The following ZNF804A variants were observed in gnomAD, a reference collection of about 807,000 sequenced individuals.
ZNF804A encodes zinc finger protein 804A.
Under a neutral mutation model 16.5 loss-of-function variants are expected in ZNF804A, and 2 were observed. That is an observed-to-expected ratio of 0.12 (90% CI 0.05 to 0.38). The LOEUF is 0.38. ZNF804A is among the 10% of genes least tolerant of loss of function. ZNF804A has a pLI of 0.99. For missense variants in ZNF804A, 1,473 were observed against 1,390.7 expected (o/e 1.06, Z -0.94); for synonymous variants, 534 against 489.6 (o/e 1.09, Z -1.20).
chr2:184,796,876 T>G (rs1694636860), intron 1 of ZNF804A, among the ~76,000 whole-genome samples: 1 of 152,180 alleles, frequency 6.6e-6, no homozygotes, highest in South Asian at 2.1e-4. Flanking sequence ...CTTGATTTTG[T>G]TTTTGACCCA....
At chr2:184,675,974 T>TTCAGTAAC (rs1347389431) in intron 1 of ZNF804A, among the ~76,000 whole-genome samples, 1 of 151,726 alleles carries the variant, frequency 6.6e-6, no homozygotes, top group Non-Finnish European at 1.5e-5. Flanking sequence ...TTAAAAAAAA[T>TTCAGTAAC]TCAGTAACTC....
At chr2:184,685,114 C>T (rs1471941458) in intron 1 of ZNF804A, among the ~76,000 whole-genome samples, 2 of 152,060 alleles carry the variant, frequency 1.3e-5, no homozygotes, top group African/African-American at 4.8e-5. Flanking sequence ...GGGGTCTAGC[C>T]ACTGCACACA....
chr2:184,787,695 GT>G (rs1478521593), intron 1 of ZNF804A, among the ~76,000 whole-genome samples: 1 of 151,490 alleles, frequency 6.6e-6, no homozygotes, highest in Non-Finnish European at 1.5e-5. Flanking sequence ...CAGCTTTTAA[GT>G]TTTTTGGTGC....
At chr2:184,607,019 C>T (rs1691157716) in intron 1 of ZNF804A, among the ~76,000 whole-genome samples, 1 of 152,134 alleles carries the variant, frequency 6.6e-6, no homozygotes, top group Admixed American at 6.5e-5. Flanking sequence ...ATGTTGATAA[C>T]TATATAGGTT....
rs540626372 is a variant in ZNF804A, at chr2:184,826,534, G to A, written c.112-39835G>A. Among the ~76,000 whole-genome samples, 7 of 152,018 alleles carry A rather than the reference G, an allele frequency of 4.6e-5. No homozygotes were observed. In the South Asian group the frequency reaches 6.2e-4, roughly 14 times the overall value. ...TTATTGAAATTATTATATTTTAATG[G>A]TCTGCTAACCATTTATTCCTTAAAA... On this transcript the variant is annotated intron_variant, in intron 1 of 3. Coordinates refer to ENST00000302277, the MANE Select transcript of ZNF804A (RefSeq NM_194250.2).
intron 1 of ZNF804A, among the ~76,000 whole-genome samples, chr2:184,636,452 TGAGAGAGA>T (rs370660751): frequency 1.8e-4 from 21 of 114,334 alleles, no homozygotes; most frequent in East Asian, 5.4e-4. Flanking sequence ...TGTGTGTGTG[TGAGAGAGA>T]GAGAGAGAGA....
chr2:184,794,801 G>A (rs1402472540), intron 1 of ZNF804A, among the ~76,000 whole-genome samples: 1 of 151,762 alleles, frequency 6.6e-6, no homozygotes, highest in Non-Finnish European at 1.5e-5. Context: ...TAAGGTAAAG[G>A]GGTGGAAAAA....
chr2:184,678,614 G>A (rs527749883), intron 1 of ZNF804A, among the ~76,000 whole-genome samples: 29 of 152,206 alleles, frequency 1.9e-4, no homozygotes, highest in Non-Finnish European at 3.5e-4. Flanking sequence ...GGATGATGCC[G>A]GAGAAAAGCA....
chr2:184,844,513 T>C (rs1695484662), intron 1 of ZNF804A, among the ~76,000 whole-genome samples: 1 of 152,118 alleles, frequency 6.6e-6, no homozygotes, highest in African/African-American at 2.4e-5. Flanking sequence ...GTTTTTTCTT[T>C]CAATATTTCA....
intron 1 of ZNF804A, among the ~76,000 whole-genome samples, chr2:184,748,591 A>C (rs1693830657): frequency 6.6e-6 from 1 of 151,036 alleles, no homozygotes; most frequent in Non-Finnish European, 1.5e-5. Flanking sequence ...TCTTTATTCC[A>C]CTGATAGTTT....
At chr2:184,824,456 A>G (rs111912144) in intron 1 of ZNF804A, among the ~76,000 whole-genome samples, 22 of 152,144 alleles carry the variant, frequency 1.4e-4, no homozygotes, top group African/African-American at 4.3e-4. Context: ...ACATGGAAGC[A>G]TATTCATGTC....
chr2:184,699,832 C>A (rs1038807383), intron 1 of ZNF804A, among the ~76,000 whole-genome samples: 1 of 151,996 alleles, frequency 6.6e-6, no homozygotes, highest in African/African-American at 2.4e-5. Flanking sequence ...TTGTTATCAA[C>A]TTTGTATAGA....
intron 1 of ZNF804A, among the ~76,000 whole-genome samples, chr2:184,690,543 CA>C (rs1692711057): frequency 6.6e-6 from 1 of 152,018 alleles, no homozygotes; most frequent in Non-Finnish European, 1.5e-5. Flanking sequence ...AAATTCTAAG[CA>C]TGGAAATTTC....
chr2:184,878,788 C>CA (rs1325706312), intron 2 of ZNF804A, among the ~76,000 whole-genome samples: 1 of 151,830 alleles, frequency 6.6e-6, no homozygotes. Flanking sequence ...CATATTTTAC[C>CA]AATGAGCCCT....
At chr2:184,619,883 A>G (rs1691389493) in intron 1 of ZNF804A, among the ~76,000 whole-genome samples, 1 of 151,952 alleles carries the variant, frequency 6.6e-6, no homozygotes, top group Admixed American at 6.6e-5. Context: ...AATTATTTGC[A>G]AAAATGTGTT....
At chr2:184,709,441 A>G (rs1219493629) in intron 1 of ZNF804A, among the ~76,000 whole-genome samples, 1 of 152,030 alleles carries the variant, frequency 6.6e-6, no homozygotes, top group African/African-American at 2.4e-5. Context: ...ATTTCTCTGA[A>G]ATTTTTTTCC....
Position 184,937,993 on chromosome 2 carries a change from A to G in ZNF804A, c.2597A>G (p.Glu866Gly), listed in dbSNP as rs112566175. The change falls in exon 4 of 4, where the codon GAA becomes GGA. Residue 866 changes from glutamate to glycine, a missense_variant. By Grantham distance (98) the Glu-to-Gly change is moderately conservative. Coordinates refer to ENST00000302277, the MANE Select transcript of ZNF804A (RefSeq NM_194250.2). ...KMKPQEVAKI[E>G]RNSEQTNQLR... is the part of the protein sequence containing the mutation. ...AAACCACAAGAAGTTGCAAAAATCG[A>G]AAGGAACTCAGAACAAACAAACCAA... 5.0e-6 allele frequency: 8 copies of G among 1,614,084 alleles called. No individual in the cohort carries two copies. In the African/African-American group the frequency reaches 9.3e-5, roughly 19 times the overall value.
At chr2:184,652,313 T>C (rs878871586) in intron 1 of ZNF804A, among the ~76,000 whole-genome samples, 3 of 151,980 alleles carry the variant, frequency 2.0e-5, no homozygotes, top group Non-Finnish European at 2.9e-5. Flanking sequence ...GGAATGAGGG[T>C]TGATAAGCTA....
intron 1 of ZNF804A, among the ~76,000 whole-genome samples, chr2:184,661,166 G>A (rs149260123): frequency 2.6e-5 from 4 of 152,266 alleles, no homozygotes; most frequent in African/African-American, 9.6e-5. Context: ...AGGGAATGGC[G>A]TCCAGTGGCT....
Sources: gnomAD v4.1 joint callset for allele counts (sites outside exome capture counted in the v4.1 genomes callset) on GRCh38, gnomAD v4.1.1 for gene constraint, MANE v1.5 for transcripts, NCBI Gene and HGNC (gene_info 2026-07-23, HGNC 2026-07-21) for gene names.